The following MAN1A1 variants were observed in gnomAD, a reference collection of about 807,000 sequenced individuals.
The protein encoded by MAN1A1 is mannosyl-oligosaccharide 1,2-alpha-mannosidase IA.
In MAN1A1, 29 loss-of-function variants were observed where a neutral mutation model predicts 70.8. The observed-to-expected ratio is 0.41, with a 90% CI of 0.31 to 0.56. The LOEUF (loss-of-function observed/expected upper bound fraction) is 0.56. MAN1A1 is among the 20% of genes least tolerant of loss of function. MAN1A1 has a pLI of 0.29. For synonymous variants in MAN1A1, 349 were observed against 330.1 expected (o/e 1.06, Z -0.62); for missense variants, 747 against 841.3 (o/e 0.89, Z 1.39).
chr6:119,300,816 C>G (rs1295695002), intron 4 of MAN1A1, among the ~76,000 whole-genome samples: 1 of 152,106 alleles, frequency 6.6e-6, no homozygotes, highest in African/African-American at 2.4e-5. Context: ...AATTATTAGG[C>G]AAATTAAACA....
At chr6:119,327,317 A>G (rs775532038) in intron 2 of MAN1A1, 1 of 151,898 alleles carries the variant, frequency 6.6e-6, no homozygotes, top group Non-Finnish European at 1.5e-5. Flanking sequence ...CACTGGAACA[A>G]CACAGAGAAG....
chr6:119,227,706 C>T (rs953842207), intron 6 of MAN1A1, among the ~76,000 whole-genome samples: 85 of 152,150 alleles, frequency 5.6e-4, no homozygotes, highest in African/African-American at 2.0e-3. Flanking sequence ...TAGACTCAAG[C>T]TATCTTCCTG....
intron 2 of MAN1A1, among the ~76,000 whole-genome samples, chr6:119,317,125 TG>T (rs1433324515): frequency 2.6e-5 from 4 of 152,044 alleles, no homozygotes; most frequent in South Asian, 4.2e-4. Context: ...CAAAACTGAG[TG>T]GAAAGTACAA....
At chr6:119,253,496 C>T (rs1775380923) in intron 5 of MAN1A1, among the ~76,000 whole-genome samples, 1 of 152,194 alleles carries the variant, frequency 6.6e-6, no homozygotes, top group Non-Finnish European at 1.5e-5. Context: ...CTTGCCAACC[C>T]ATTACCACTT....
chr6:119,313,658 T>C (rs1412224992), intron 2 of MAN1A1, among the ~76,000 whole-genome samples: 1 of 127,188 alleles, frequency 7.9e-6, no homozygotes, highest in Admixed American at 7.5e-5. Context: ...AACCTACTTA[T>C]ACTAAAAAAA....
chr6:119,201,188 T>C (rs9481890), intron 8 of MAN1A1, 66 bp downstream of exon 8: 571,312 of 1,182,518 alleles, frequency 0.48, 143,562 homozygotes, highest in Middle Eastern at 0.53. Flanking sequence ...GCTGCTTTTG[T>C]GCTTCCTCTC....
intron 6 of MAN1A1, among the ~76,000 whole-genome samples, chr6:119,217,645 C>T (rs1380033409): frequency 5.3e-5 from 8 of 152,178 alleles, no homozygotes; most frequent in African/African-American, 1.9e-4. Context: ...CCCTCTTTCA[C>T]TTCTATTATG....
Position 119,177,294 on chromosome 6 carries a change from A to G in MAN1A1, c.*2525T>C, listed in dbSNP as rs1055118100. On this transcript the variant is annotated 3_prime_UTR_variant, in exon 13 of 13. Transcript: ENST00000368468. ...GTGTCAATCTATTGTTTCCCATAACATTGGAGATTTATATATAAAGTTGAA... is the reference window on the plus strand; with the variant it reads ...GTGTCAATCTATTGTTTCCCATAACGTTGGAGATTTATATATAAAGTTGAA... The G allele has an allele frequency of 3.3e-5, 5 of 152,126 alleles. No homozygotes were observed. Among genetic ancestry groups the G allele is most frequent in the African/African-American group, 9.6e-5 (4 of 41,464 alleles). The allele number at this position is 152,126 out of a possible 1,614,324, so 9.4% of individuals were successfully genotyped here. A position where few individuals can be genotyped will look rare whatever the true frequency, so the allele number is the denominator to read the frequency against.
chr6:119,202,062 A>G (rs1189772179), intron 7 of MAN1A1, among the ~76,000 whole-genome samples: 1 of 152,174 alleles, frequency 6.6e-6, no homozygotes, highest in Non-Finnish European at 1.5e-5. Flanking sequence ...ATACATTTAT[A>G]AAAGTATTTT....
At chr6:119,247,674 C>A (rs1016306679) in intron 6 of MAN1A1, among the ~76,000 whole-genome samples, 2 of 152,116 alleles carry the variant, frequency 1.3e-5, no homozygotes, top group Non-Finnish European at 2.9e-5. Context: ...GAGCCACATT[C>A]TCAAGAACTT....
At chr6:119,337,064 A>G (rs1773471585) in intron 2 of MAN1A1, among the ~76,000 whole-genome samples, 1 of 152,200 alleles carries the variant, frequency 6.6e-6, no homozygotes. Context: ...CATTTATTTC[A>G]GCAGTGTTGT....
At chr6:119,302,172 C>T in intron 3 of MAN1A1, 69 bp from the exon 4 acceptor site, 1 of 714,946 alleles carries the variant, frequency 1.4e-6, no homozygotes, top group Non-Finnish European at 2.5e-6. Context: ...TTGACCATAA[C>T]TAAGAAAGGG....
At chr6:119,218,146 C>T (rs1044460121) in intron 6 of MAN1A1, among the ~76,000 whole-genome samples, 1 of 151,998 alleles carries the variant, frequency 6.6e-6, no homozygotes, top group Non-Finnish European at 1.5e-5. Flanking sequence ...TTTTATCCGT[C>T]CTATGTTTTG....
At chr6:119,315,256 T>C (rs1772818063) in intron 2 of MAN1A1, among the ~76,000 whole-genome samples, 1 of 152,234 alleles carries the variant, frequency 6.6e-6, no homozygotes, top group South Asian at 2.1e-4. Context: ...AAAGAAACAG[T>C]AATTATTTAA....
chr6:119,283,605 G>T (rs1287414718), intron 5 of MAN1A1, among the ~76,000 whole-genome samples: 1 of 152,018 alleles, frequency 6.6e-6, no homozygotes, highest in Non-Finnish European at 1.5e-5. Flanking sequence ...GGCCTCGGAG[G>T]GGCTGTATCT....
intron 6 of MAN1A1, among the ~76,000 whole-genome samples, chr6:119,223,160 T>C (rs1363548787): frequency 6.6e-6 from 1 of 152,164 alleles, no homozygotes; most frequent in African/African-American, 2.4e-5. Flanking sequence ...TAGTGGAATT[T>C]AAAAATTTTC....
chr6:119,308,771 A>T (rs956806146), intron 2 of MAN1A1, among the ~76,000 whole-genome samples: 3 of 152,320 alleles, frequency 2.0e-5, no homozygotes, highest in East Asian at 3.8e-4. Flanking sequence ...TAAATGTACT[A>T]CATTTAGTAA....
intron 5 of MAN1A1, among the ~76,000 whole-genome samples, chr6:119,267,585 G>A (rs1264261814): frequency 6.6e-6 from 1 of 152,120 alleles, no homozygotes; most frequent in African/African-American, 2.4e-5. Flanking sequence ...ATAGCCTAGT[G>A]TAACATTATA....
At chr6:119,212,092 A>G (rs1042265699) in intron 6 of MAN1A1, among the ~76,000 whole-genome samples, 5 of 151,496 alleles carry the variant, frequency 3.3e-5, no homozygotes, top group African/African-American at 1.2e-4. Context: ...TGCTCGCCTC[A>G]GCCTCCCAAA....
Sources: gnomAD v4.1 joint callset for allele counts (sites outside exome capture counted in the v4.1 genomes callset) on GRCh38, gnomAD v4.1.1 for gene constraint, MANE v1.5 for transcripts, NCBI Gene and HGNC (gene_info 2026-07-23, HGNC 2026-07-21) for gene names.